Variants in HNRNPLL observed in about 807,000 individuals in gnomAD.
HNRNPLL encodes heterogeneous nuclear ribonucleoprotein L like.
HNRNPLL carries 25 observed loss-of-function variants against 67.1 expected under a neutral mutation model. That is an observed-to-expected ratio of 0.37 (90% CI 0.27 to 0.52). The LOEUF is 0.52. HNRNPLL is among the 20% of genes least tolerant of loss of function. The pLI is 0.90. For missense variants in HNRNPLL, 542 were observed against 673.9 expected (o/e 0.80, Z 2.17); for synonymous variants, 267 against 241.7 (o/e 1.10, Z -0.97).
intron 1 of HNRNPLL, chr2:38,601,878 AAG>A (rs1667452310): frequency 6.6e-6 from 1 of 152,572 alleles, no homozygotes; most frequent in Admixed American, 6.5e-5. Context: ...CATGCTTATA[AAG>A]AGTTTAATTT....
chr2:38,595,269 G>C (rs1185374378), intron 1 of HNRNPLL, among the ~76,000 whole-genome samples: 1 of 90,372 alleles, frequency 1.1e-5, no homozygotes, highest in East Asian at 3.5e-4. Flanking sequence ...GCAAGACCTT[G>C]TCTAAAAAAA....
Position 38,586,305 on chromosome 2 carries a change from G to C in HNRNPLL, c.309-424C>G, listed in dbSNP as rs1197696449. On this transcript the variant is annotated intron_variant, in intron 2 of 12. Transcript: ENST00000449105. The stretch of plus-strand genomic sequence containing the variant: ...CAAAGTGCTGGGATTACAGGCATGA[G>C]GTAAGTCAACTCTTAAATCATCTGA... Among the ~76,000 whole-genome samples the C allele has an allele frequency of 2.6e-5, 4 of 152,268 alleles. No homozygotes were observed. In the East Asian group the frequency reaches 5.8e-4, roughly 22 times the overall value.
intron 8 of HNRNPLL, among the ~76,000 whole-genome samples, chr2:38,570,445 G>A (rs140609411): frequency 1.3e-5 from 2 of 152,298 alleles, no homozygotes; most frequent in African/African-American, 4.8e-5. Flanking sequence ...TTCTGTTAAT[G>A]CAGTAAACAA....
In HNRNPLL at chr2:38,562,314, A is replaced by G. The variant is rs1190432501; in HGVS notation, c.*1868T>C. On this transcript the variant is annotated 3_prime_UTR_variant, in exon 13 of 13. Transcript: ENST00000449105. ...CAACTAGTTTACTCCCAAACAATTCACTTATTTTGGTGGAGAGAGAGCCTT... is the reference window on the plus strand; with the variant it reads ...CAACTAGTTTACTCCCAAACAATTCGCTTATTTTGGTGGAGAGAGAGCCTT... The G allele has an allele frequency of 6.6e-6, 1 of 152,128 alleles. No individual in the cohort carries two copies. Among genetic ancestry groups the G allele is most frequent in the Non-Finnish European group, 1.5e-5 (1 of 67,990 alleles). 9.4% of individuals were successfully genotyped at this position (152,128 alleles called of 1,614,324 possible). A position where few individuals can be genotyped will look rare whatever the true frequency, so the allele number is the denominator to read the frequency against.
At chr2:38,575,404 T>C (rs1320405110) in intron 7 of HNRNPLL, among the ~76,000 whole-genome samples, 1 of 151,866 alleles carries the variant, frequency 6.6e-6, no homozygotes, top group Admixed American at 6.6e-5. Flanking sequence ...AGCTTTAAAA[T>C]CTTTCGTCTA....
At chr2:38,581,876 C>T (rs765458121) in intron 6 of HNRNPLL, 37 bp downstream of exon 6, 2 of 1,373,972 alleles carry the variant, frequency 1.5e-6, no homozygotes, top group African/African-American at 2.9e-5. Flanking sequence ...AATTTGTCAG[C>T]AGATCAAGTA....
At chr2:38,601,505 C>T (rs992579800) in intron 1 of HNRNPLL, 6 of 152,110 alleles carry the variant, frequency 3.9e-5, no homozygotes, top group African/African-American at 1.4e-4. Context: ...CGCTTAAGTG[C>T]ACCAAAAAAG....
chr2:38,573,573 A>G, intron 7 of HNRNPLL, 146 bp from the exon 8 acceptor site: 2 of 611,816 alleles, frequency 3.3e-6, no homozygotes, highest in Non-Finnish European at 5.7e-6. Context: ...AAATGTATGA[A>G]TATTTCAGTA....
chr2:38,568,452 G>A lies in HNRNPLL; in HGVS notation c.1417-9C>T, dbSNP rs191499249. 9 of 1,555,420 alleles carry A rather than the reference G, an allele frequency of 5.8e-6. No individual in the cohort carries two copies. The highest frequency in any genetic ancestry group is 7.9e-6 in the Non-Finnish European group (9 of 1,143,156). On this transcript the variant is annotated splice_polypyrimidine_tract_variant and intron_variant, in intron 10 of 12. Transcript: ENST00000449105. The stretch of plus-strand genomic sequence containing the variant: ...TCATGGTCATTACACAACTGTCAAA[G>A]AAAGTAAAACTTCATTAAAAATATA...
chr2:38,578,058 C>T (rs1331729315), intron 6 of HNRNPLL: 3 of 465,902 alleles, frequency 6.4e-6, no homozygotes, highest in Admixed American at 2.4e-5. Flanking sequence ...AGTATATGCA[C>T]ATATTTACAA....
At chr2:38,572,653 T>G in intron 8 of HNRNPLL, among the ~76,000 whole-genome samples, 1 of 152,054 alleles carries the variant, frequency 6.6e-6, no homozygotes, top group East Asian at 1.9e-4. Context: ...TTAAAGACCT[T>G]CAAAATATGT....
chr2:38,577,234 C>T (rs1666332752), intron 7 of HNRNPLL, among the ~76,000 whole-genome samples: 3 of 151,956 alleles, frequency 2.0e-5, no homozygotes, highest in South Asian at 2.1e-4. Context: ...AAAAAGTATT[C>T]AATCCCCAAC....
chr2:38,599,988 T>C (rs1667358691), intron 1 of HNRNPLL: 3 of 457,698 alleles, frequency 6.6e-6, no homozygotes, highest in African/African-American at 4.0e-5. Flanking sequence ...TCGGTTACAA[T>C]GAATTACCAA....
At chr2:38,597,683 C>CT (rs1176585653) in intron 1 of HNRNPLL, among the ~76,000 whole-genome samples, 5 of 147,694 alleles carry the variant, frequency 3.4e-5, no homozygotes, top group Non-Finnish European at 7.4e-5. Context: ...AGTCAAGTAA[C>CT]TTTTTTTATT....
chr2:38,568,688 T>C (rs751528492), intron 10 of HNRNPLL, among the ~76,000 whole-genome samples: 1 of 152,182 alleles, frequency 6.6e-6, no homozygotes, highest in African/African-American at 2.4e-5. Flanking sequence ...CTAAAATATA[T>C]ATTCTCAGAG....
rs374555687 is a variant in HNRNPLL at position 38,564,358 on chromosome 2, G to A, written c.1574-121C>T. On this transcript the variant is annotated intron_variant, in intron 12 of 12. Transcript: ENST00000449105. ...ATATAAGAAATATGGTGAATATAAAGCAGGAATATAAAGAAGTAAAATTGG... is the reference window on the plus strand; with the variant it reads ...ATATAAGAAATATGGTGAATATAAAACAGGAATATAAAGAAGTAAAATTGG... The A allele has an allele frequency of 1.9e-4, 114 of 611,906 alleles. No individual in the cohort carries two copies. The Middle Eastern group carries it at 2.0e-3, about 11-fold the overall frequency. 37.9% of individuals were successfully genotyped at this position (611,906 alleles called of 1,614,324 possible).
intron 6 of HNRNPLL, chr2:38,578,104 T>C: frequency 2.3e-6 from 1 of 443,754 alleles, no homozygotes; most frequent in Non-Finnish European, 4.7e-6. Flanking sequence ...TTCACATCAC[T>C]GACTCATATT....
At chr2:38,586,920 G>A (rs1666757616) in intron 2 of HNRNPLL, among the ~76,000 whole-genome samples, 1 of 152,156 alleles carries the variant, frequency 6.6e-6, no homozygotes, top group Admixed American at 6.5e-5. Context: ...GAATTAAAAA[G>A]ATATATTTTA....
At chr2:38,602,131 G>C (rs1393094143) in intron 1 of HNRNPLL, 1 of 386,566 alleles carries the variant, frequency 2.6e-6, no homozygotes, top group Non-Finnish European at 4.6e-6. Context: ...TCCCCGAGCC[G>C]CGAAACCCCC....
Sources: allele counts gnomAD v4.1 joint callset (sites outside exome capture counted in the v4.1 genomes callset), GRCh38; gene constraint gnomAD v4.1.1; transcripts MANE v1.5; gene names NCBI Gene and HGNC (gene_info 2026-07-23, HGNC 2026-07-21).